The following THNSL1 variants were observed in gnomAD, a reference collection of about 807,000 sequenced individuals.
The protein encoded by THNSL1 is threonine synthase like 1.
In THNSL1, 48 loss-of-function variants were observed where a neutral mutation model predicts 50.4. That is an observed-to-expected ratio of 0.95 (90% CI 0.76 to 1.21). THNSL1 has a LOEUF of 1.21. Ranked by LOEUF, THNSL1 falls within the 50% of genes most tolerant of loss-of-function variation. THNSL1 has a pLI of 0.00. For missense variants in THNSL1, 896 were observed against 871.7 expected (o/e 1.03, Z -0.35); for synonymous variants, 309 against 306.1 (o/e 1.01, Z -0.10).
the THNSL1 span, among the ~76,000 whole-genome samples, chr10:24,991,795 G>C: frequency 1.3e-5 from 2 of 152,198 alleles, no homozygotes; most frequent in Non-Finnish European, 2.9e-5. Flanking sequence ...TCATAAGGCA[G>C]GGAGTCTAAT....
rs1474421129 is a variant in THNSL1 at position 25,024,869 on chromosome 10, A to T, written c.1646A>T (p.Tyr549Phe). Residue 549 changes from tyrosine (Y) to phenylalanine (F), a missense_variant, in exon 3 of 3, where the codon TAT becomes TTT. By Grantham distance (22) the Tyr-to-Phe change is conservative. Coordinates refer to ENST00000376356, the MANE Select transcript of THNSL1 (RefSeq NM_024838.5). ...VLTDFIKTGH[Y>F]DLRERKLAQT... The stretch of plus-strand genomic sequence containing the variant: ...ACTGATTTTATAAAAACAGGACATT[A>T]TGATCTAAGGGAAAGAAAACTAGCA... 4.3e-6 allele frequency: 7 copies of T among 1,613,962 alleles called. No homozygotes were observed. Among genetic ancestry groups the T allele is most frequent in the South Asian group, 2.2e-5 (2 of 91,084 alleles).
chr10:24,953,295 A>T, the THNSL1 span: 1 of 151,962 alleles, frequency 6.6e-6, no homozygotes, highest in Non-Finnish European at 1.5e-5. Context: ...AGCTGGAAAG[A>T]TTACACCCGA....
chr10:25,024,407 A>C lies in THNSL1; in HGVS notation c.1184A>C (p.Lys395Thr). The C allele has an allele frequency of 6.2e-7, 1 of 1,613,966 alleles. No individual in the cohort carries two copies. The highest frequency in any genetic ancestry group is 8.5e-7 in the Non-Finnish European group (1 of 1,180,018). Residue 395 changes from lysine (K) to threonine (T), a missense_variant, in exon 3 of 3, where the codon AAG becomes ACG. Physicochemically the swap from Lys to Thr is moderately conservative, Grantham distance 78. Coordinates refer to ENST00000376356, the MANE Select transcript of THNSL1 (RefSeq NM_024838.5). ...AVLNGFSRLN[K>T]NDKQRIAVVA... ...TTAAATGGTTTTAGTCGTCTAAATA[A>C]GAATGATAAGCAAAGGATAGCTGTG...
the THNSL1 span, among the ~76,000 whole-genome samples, chr10:24,989,014 G>A: frequency 6.6e-6 from 1 of 151,916 alleles, no homozygotes; most frequent in African/African-American, 2.4e-5. Flanking sequence ...ACTCTGTAGC[G>A]ACCGTAATGG....
At chr10:24,953,340 G>T in the THNSL1 span, 3 of 152,370 alleles carry the variant, frequency 2.0e-5, no homozygotes, top group African/African-American at 7.2e-5. Flanking sequence ...GCAGTGATCA[G>T]ATCTGGGCTT....
chr10:24,994,418 C>T, the THNSL1 span, among the ~76,000 whole-genome samples: 1 of 151,686 alleles, frequency 6.6e-6, no homozygotes, highest in South Asian at 2.1e-4. Flanking sequence ...ACTGCAACCC[C>T]CGCCTCCTGG....
At position 25,023,916 on chromosome 10, in the gene THNSL1, C is replaced by G. The variant is rs766823363; in HGVS notation, c.693C>G (p.Phe231Leu). The G allele has an allele frequency of 5.6e-6, 9 of 1,614,036 alleles. No homozygotes were observed. In the South Asian group the frequency reaches 8.8e-5, roughly 16 times the overall value. ...ACCAAGATGTGGACTCGGAAACATT[C>G]ATTTCAACAAGACACGTTTGGCCTG... Reference protein sequence around the residue: ...KRYQDVDSETFISTRHVWPED... With the variant: ...KRYQDVDSETLISTRHVWPED... The change falls in exon 3 of 3, where the codon TTC becomes TTG. Residue 231 changes from phenylalanine (F) to leucine (L), a missense_variant. By Grantham distance (22) the Phe-to-Leu change is conservative (BLOSUM62 0). Coordinates refer to ENST00000376356, the MANE Select transcript of THNSL1 (RefSeq NM_024838.5).
At chr10:24,992,864 T>C in the THNSL1 span, among the ~76,000 whole-genome samples, 1 of 152,288 alleles carries the variant, frequency 6.6e-6, no homozygotes, top group Admixed American at 6.5e-5. Context: ...GCTGGTGCAG[T>C]GAGTGAGACA....
the THNSL1 span, among the ~76,000 whole-genome samples, chr10:24,964,947 CA>C: frequency 1.3e-5 from 2 of 151,892 alleles, no homozygotes; most frequent in African/African-American, 4.8e-5. Flanking sequence ...CCTGCAGTTC[CA>C]GTAACTCAGG....
chr10:24,957,906 C>T, the THNSL1 span, among the ~76,000 whole-genome samples: 2 of 152,228 alleles, frequency 1.3e-5, no homozygotes, highest in Non-Finnish European at 2.9e-5. Flanking sequence ...TGTGCCACTA[C>T]CATGGTGAAA....
chr10:25,004,496 G>T, the THNSL1 span, among the ~76,000 whole-genome samples: 2 of 152,058 alleles, frequency 1.3e-5, no homozygotes, highest in Non-Finnish European at 2.9e-5. Flanking sequence ...GTTTTGATTT[G>T]CATTTCTCTA....
chr10:24,957,637 C>A, the THNSL1 span, among the ~76,000 whole-genome samples: 7 of 152,234 alleles, frequency 4.6e-5, no homozygotes, highest in African/African-American at 1.7e-4. Context: ...CCCACCACCA[C>A]GCCCGGCTAA....
chr10:24,990,539 T>C, the THNSL1 span: 1 of 1,614,082 alleles, frequency 6.2e-7, no homozygotes, highest in South Asian at 1.1e-5. Context: ...GATATAACGA[T>C]CATAGTCTTC....
chr10:24,995,007 T>A, the THNSL1 span, among the ~76,000 whole-genome samples: 6 of 152,106 alleles, frequency 3.9e-5, no homozygotes, highest in African/African-American at 1.4e-4. Context: ...GGAAACAGCA[T>A]GAGAATATGT....
At chr10:24,980,122 C>T in the THNSL1 span, among the ~76,000 whole-genome samples, 5 of 152,172 alleles carry the variant, frequency 3.3e-5, no homozygotes, top group Admixed American at 6.5e-5. Context: ...GTCCACGTAG[C>T]GAATGATAAT....
At chr10:25,001,645 C>T in the THNSL1 span, among the ~76,000 whole-genome samples, 1 of 152,136 alleles carries the variant, frequency 6.6e-6, no homozygotes, top group South Asian at 2.1e-4. Flanking sequence ...GTCTTAGCTG[C>T]GTTAATCCAA....
the THNSL1 span, among the ~76,000 whole-genome samples, chr10:24,960,473 G>C: frequency 1.7e-4 from 26 of 151,094 alleles, no homozygotes; most frequent in African/African-American, 5.8e-4. Context: ...TGTTTCTCAG[G>C]CTGGAGTGCA....
In THNSL1 at chr10:25,025,386, G is replaced by A. The variant is rs1230485955; in HGVS notation, c.2163G>A (p.Gln721=). Residue 721 remains glutamine, a synonymous_variant, in exon 3 of 3, where the codon CAG becomes CAA. Transcript: ENST00000376356. ...AACAGCAAGAGAAGATGGAGTACCA[G>A]GTCTGTGCAGCTGATATGAATGTCT... The part of the protein sequence containing the change: ...RTKQQEKMEY[Q]VCAADMNVLK... The A allele has an allele frequency of 6.2e-7, 1 of 1,614,164 alleles. No individual in the cohort carries two copies. The highest frequency in any genetic ancestry group is 8.5e-7 in the Non-Finnish European group (1 of 1,180,014).
At chr10:24,980,409 A>T in the THNSL1 span, among the ~76,000 whole-genome samples, 1 of 152,106 alleles carries the variant, frequency 6.6e-6, no homozygotes, top group Non-Finnish European at 1.5e-5. Context: ...GTCAGATCCT[A>T]CAAAATCTGA....
Sources: allele counts gnomAD v4.1 joint callset (sites outside exome capture counted in the v4.1 genomes callset), GRCh38; gene constraint gnomAD v4.1.1; transcripts MANE v1.5; gene names NCBI Gene and HGNC (gene_info 2026-07-23, HGNC 2026-07-21).